PRKCQ: variants seen among roughly 807,000 people sequenced by gnomAD.
The protein encoded by PRKCQ is protein kinase C theta.
In PRKCQ, 41 loss-of-function variants were observed where a neutral mutation model predicts 91.2. The observed-to-expected ratio is 0.45, with a 90% confidence interval of 0.35 to 0.58. The LOEUF is 0.58. Among genes scored for constraint, PRKCQ ranks in the 20% least tolerant of loss-of-function variants. PRKCQ has a pLI of 0.00. For missense variants in PRKCQ, 673 were observed against 896.5 expected, an observed-to-expected ratio of 0.75 and a Z score of 3.18; for synonymous variants, 307 against 316.9, an observed-to-expected ratio of 0.97 and a Z score of 0.33.
intron 12 of PRKCQ, among the ~76,000 whole-genome samples, chr10:6,469,834 G>A (rs947619449): frequency 1.3e-5 from 2 of 151,948 alleles, no homozygotes; most frequent in African/African-American, 4.8e-5. Context: ...GTTGTCAATG[G>A]AATATTACTG....
intron 1 of PRKCQ, among the ~76,000 whole-genome samples, chr10:6,568,862 A>G (rs1179556614): frequency 2.0e-5 from 3 of 152,090 alleles, no homozygotes; most frequent in Non-Finnish European, 2.9e-5. Flanking sequence ...CAAGGGGATG[A>G]TAAGGGGAAA....
At chr10:6,507,400 C>A in intron 4 of PRKCQ, 36 bp downstream of exon 4, 1 of 1,577,884 alleles carries the variant, frequency 6.3e-7, no homozygotes, top group African/African-American at 1.3e-5. Flanking sequence ...GCCATGCCCT[C>A]CTCACCCCCA....
intron 15 of PRKCQ, among the ~76,000 whole-genome samples, chr10:6,442,427 G>A (rs1834018320): frequency 6.6e-6 from 1 of 152,216 alleles, no homozygotes; most frequent in Admixed American, 6.5e-5. Flanking sequence ...ATGTGTCTAA[G>A]TTCTTCAGTG....
intron 14 of PRKCQ, among the ~76,000 whole-genome samples, chr10:6,458,755 A>G (rs896277639): frequency 6.6e-6 from 1 of 152,142 alleles, no homozygotes; most frequent in Non-Finnish European, 1.5e-5. Context: ...AATGAGAATC[A>G]CGTGAAAGCA....
chr10:6,461,884 G>A (rs1388126906), intron 14 of PRKCQ, among the ~76,000 whole-genome samples: 2 of 152,128 alleles, frequency 1.3e-5, no homozygotes, highest in Admixed American at 6.5e-5. Flanking sequence ...ACAGAAGAAC[G>A]TGAAATGATG....
chr10:6,426,986 T>C (rs571125747), downstream of PRKCQ, among the ~76,000 whole-genome samples: 23 of 152,310 alleles, frequency 1.5e-4, no homozygotes, highest in Admixed American at 3.9e-4. Flanking sequence ...TCTGCCCACA[T>C]TGGCCTCCCA....
In PRKCQ at chr10:6,576,854, C is replaced by T. The variant is rs564414602; in HGVS notation, c.-10+3357G>A. Among the ~76,000 whole-genome samples, 37 of 152,120 alleles carry T rather than the reference C, an allele frequency of 2.4e-4. No homozygotes were observed. The highest frequency in any genetic ancestry group is 4.4e-4 in the Non-Finnish European group (30 of 68,022). On this transcript the variant is annotated intron_variant, in intron 1 of 17. Transcript: ENST00000263125. The surrounding 1 kb of genome is among the most constrained non-coding windows in gnomAD (Gnocchi z 4.2). ...CTGGTTATAAGACCTGGACAAGGGG[C>T]TCTACCCCTTGAGCCTCAGTTTCCT...
the PRKCQ span, among the ~76,000 whole-genome samples, chr10:6,406,435 C>T: frequency 6.6e-6 from 1 of 151,894 alleles, no homozygotes; most frequent in African/African-American, 2.4e-5. Context: ...TGAAGTCGCT[C>T]CCCAGTGGCT....
chr10:6,402,131 A>T, the PRKCQ span, among the ~76,000 whole-genome samples: 1 of 152,074 alleles, frequency 6.6e-6, no homozygotes, highest in Non-Finnish European at 1.5e-5. Context: ...TCTCACTCAT[A>T]AGTGGGAGTT....
intron 11 of PRKCQ, 105 bp downstream of exon 11, chr10:6,483,331 ACACT>A: frequency 7.1e-7 from 1 of 1,412,706 alleles, no homozygotes; most frequent in Non-Finnish European, 9.8e-7. Flanking sequence ...GCTGTCTCTG[ACACT>A]CACATGCAAT....
chr10:6,528,594 T>C (rs188505749), intron 1 of PRKCQ, among the ~76,000 whole-genome samples: 78 of 152,352 alleles, frequency 5.1e-4, no homozygotes, highest in Admixed American at 3.6e-3. Flanking sequence ...TCTCCGTTTG[T>C]TCTAAGCACA....
chr10:6,515,280 GT>G, intron 1 of PRKCQ, 136 bp from the exon 2 acceptor site: 1 of 1,536,524 alleles, frequency 6.5e-7, no homozygotes, highest in South Asian at 1.2e-5. Flanking sequence ...GTGAACAAAT[GT>G]TTTCACTTCC....
chr10:6,429,503 G>C (rs572868275), intron 17 of PRKCQ, among the ~76,000 whole-genome samples: 9 of 152,056 alleles, frequency 5.9e-5, no homozygotes, highest in East Asian at 5.8e-4. Context: ...CTGGCCATTC[G>C]CTATCATGAC....
At chr10:6,460,498 T>C (rs981311685) in intron 14 of PRKCQ, among the ~76,000 whole-genome samples, 9 of 152,070 alleles carry the variant, frequency 5.9e-5, no homozygotes, top group African/African-American at 9.7e-5. Context: ...TTTTTAACTT[T>C]TTAAATTTTT....
chr10:6,524,316 G>C (rs907235293), intron 1 of PRKCQ, among the ~76,000 whole-genome samples: 5 of 152,174 alleles, frequency 3.3e-5, no homozygotes, highest in South Asian at 4.1e-4. Context: ...AACTATGGTA[G>C]TTATCTCCAT....
At chr10:6,416,849 C>T in the PRKCQ span, among the ~76,000 whole-genome samples, 1 of 152,158 alleles carries the variant, frequency 6.6e-6, no homozygotes, top group Non-Finnish European at 1.5e-5. Context: ...AAAGTGTTGT[C>T]TTTTCACCAC....
intron 1 of PRKCQ, 157 bp from the exon 2 acceptor site, chr10:6,515,301 G>A: frequency 6.6e-7 from 1 of 1,525,094 alleles, no homozygotes. Flanking sequence ...CCCTTCTGCA[G>A]AGGACACTGC....
chr10:6,460,989 T>C (rs1835302732), intron 14 of PRKCQ, among the ~76,000 whole-genome samples: 1 of 151,224 alleles, frequency 6.6e-6, no homozygotes, highest in Admixed American at 6.6e-5. Flanking sequence ...TGTTCATCCA[T>C]TCCTCATCCA....
chr10:6,437,434 T>C (rs1833752876), intron 16 of PRKCQ, among the ~76,000 whole-genome samples: 1 of 152,196 alleles, frequency 6.6e-6, no homozygotes, highest in African/African-American at 2.4e-5. Flanking sequence ...AATCTTGGAC[T>C]TTCTGCCTCT....
Sources: allele counts gnomAD v4.1 joint callset (sites outside exome capture counted in the v4.1 genomes callset), GRCh38; gene constraint gnomAD v4.1.1; non-coding constraint Gnocchi (gnomAD v3.1); transcripts MANE v1.5; gene names NCBI Gene and HGNC (gene_info 2026-07-23, HGNC 2026-07-21).